COMMD10: variants seen among roughly 807,000 people sequenced by gnomAD.
The protein encoded by COMMD10 is COMM domain-containing protein 10.
A neutral mutation model predicts 28.9 loss-of-function variants in COMMD10; 33 were observed. The observed-to-expected ratio is 1.14, with a 90% CI of 0.87 to 1.53. The LOEUF (loss-of-function observed/expected upper bound fraction) is 1.53. Among genes scored for constraint, COMMD10 ranks in the 40% most tolerant of loss-of-function variants. COMMD10 has a pLI of 0.00. For synonymous variants in COMMD10, 110 were observed against 81.7 expected, an observed-to-expected ratio of 1.35 and a Z score of -1.87; for missense variants, 310 against 233.4, an observed-to-expected ratio of 1.33 and a Z score of -2.14.
chr5:116,094,998 C>T (rs1353642932), intron 4 of COMMD10, among the ~76,000 whole-genome samples: 1 of 152,132 alleles, frequency 6.6e-6, no homozygotes, highest in African/African-American at 2.4e-5. Flanking sequence ...GAATGGTAGT[C>T]ACCAGAGGCT....
At chr5:116,239,832 T>A (rs1749767657) in intron 5 of COMMD10, among the ~76,000 whole-genome samples, 1 of 152,192 alleles carries the variant, frequency 6.6e-6, no homozygotes, top group African/African-American at 2.4e-5. Flanking sequence ...ACATGAGGAC[T>A]GCTCCAGGTT....
At chr5:116,085,519 A>G (rs930933270) in intron 1 of COMMD10, 1 of 185,958 alleles carries the variant, frequency 5.4e-6, no homozygotes, top group Non-Finnish European at 1.1e-5. Flanking sequence ...AGGGTCTTTA[A>G]TAGCCAACAT....
chr5:116,188,107 G>T (rs182966307), intron 5 of COMMD10, among the ~76,000 whole-genome samples: 255 of 152,204 alleles, frequency 1.7e-3, no homozygotes, highest in African/African-American at 5.9e-3. Flanking sequence ...TAACCTAGAT[G>T]AACATTGGTA....
At chr5:116,171,187 T>C (rs1491003984) in intron 5 of COMMD10, among the ~76,000 whole-genome samples, 7 of 152,068 alleles carry the variant, frequency 4.6e-5, no homozygotes, top group Admixed American at 4.6e-4. Flanking sequence ...AGACACTTCT[T>C]AAAAGAAGAC....
intron 5 of COMMD10, among the ~76,000 whole-genome samples, chr5:116,182,409 T>G (rs1308040891): frequency 1.3e-5 from 2 of 151,104 alleles, no homozygotes; most frequent in Non-Finnish European, 2.9e-5. Context: ...GGAAGAGGTG[T>G]GGGGGGTGGG....
intron 5 of COMMD10, among the ~76,000 whole-genome samples, chr5:116,198,168 T>A (rs553550862): frequency 3.3e-4 from 50 of 152,214 alleles, no homozygotes; most frequent in Non-Finnish European, 5.4e-4. Context: ...TAGTTACAGC[T>A]GAAGAGTGAG....
At chr5:116,264,662 C>A (rs1266774023) in intron 5 of COMMD10, among the ~76,000 whole-genome samples, 1 of 151,878 alleles carries the variant, frequency 6.6e-6, no homozygotes, top group East Asian at 1.9e-4. Flanking sequence ...TAGGTCTGAG[C>A]ACTGCCCCAT....
intron 5 of COMMD10, among the ~76,000 whole-genome samples, chr5:116,289,235 G>C (rs1751299737): frequency 6.6e-6 from 1 of 151,738 alleles, no homozygotes; most frequent in African/African-American, 2.4e-5. Flanking sequence ...TCCCAGTCAG[G>C]TAGCTGATAG....
chr5:116,193,813 A>C (rs990460021), intron 5 of COMMD10, among the ~76,000 whole-genome samples: 7 of 152,178 alleles, frequency 4.6e-5, no homozygotes, highest in Non-Finnish European at 8.8e-5. Flanking sequence ...GAACAAATGG[A>C]CTTAGCAGAT....
At chr5:116,231,799 A>T (rs149783695) in intron 5 of COMMD10, among the ~76,000 whole-genome samples, 1 of 152,182 alleles carries the variant, frequency 6.6e-6, no homozygotes, top group Non-Finnish European at 1.5e-5. Flanking sequence ...TAATTGGGAA[A>T]TAACAGTTGA....
At chr5:116,279,956 CT>C (rs1376522928) in intron 5 of COMMD10, among the ~76,000 whole-genome samples, 2 of 151,818 alleles carry the variant, frequency 1.3e-5, no homozygotes, top group Non-Finnish European at 2.9e-5. Flanking sequence ...ATTGTGCAAA[CT>C]GATTAGGACA....
intron 5 of COMMD10, among the ~76,000 whole-genome samples, chr5:116,173,053 T>C (rs1030903557): frequency 2.0e-5 from 3 of 152,124 alleles, no homozygotes; most frequent in African/African-American, 7.2e-5. Flanking sequence ...ATATAACCCT[T>C]TTTTCTGTTT....
At chr5:116,248,464 T>C (rs1299776616) in intron 5 of COMMD10, among the ~76,000 whole-genome samples, 1 of 151,980 alleles carries the variant, frequency 6.6e-6, no homozygotes, top group Non-Finnish European at 1.5e-5. Flanking sequence ...TAAAGGAAGA[T>C]AGGAGAGAGT....
chr5:116,217,293 A>G (rs1258762189), intron 5 of COMMD10, among the ~76,000 whole-genome samples: 1 of 152,106 alleles, frequency 6.6e-6, no homozygotes, highest in Non-Finnish European at 1.5e-5. Flanking sequence ...GACAGTCATT[A>G]ACAGTACACA....
chr5:116,132,075 A>G lies in COMMD10; in HGVS notation c.400-1993A>G, dbSNP rs951361133. On this transcript the variant is annotated intron_variant, in intron 4 of 6. Coordinates refer to ENST00000274458, the MANE Select transcript of COMMD10 (RefSeq NM_016144.4). ...AAGTGGGATGATGGGACGAGGTTCT[A>G]TAGGAGGCAGGTAGCCCAGTTAGAA... 3.9e-5 allele frequency among the ~76,000 whole-genome samples: 6 copies of G among 152,104 alleles called. No individual in the cohort carries two copies. The East Asian group carries it at 9.7e-4, about 24-fold the overall frequency.
intron 5 of COMMD10, among the ~76,000 whole-genome samples, chr5:116,243,670 A>G (rs1474103706): frequency 1.3e-5 from 2 of 152,166 alleles, no homozygotes; most frequent in Non-Finnish European, 2.9e-5. Context: ...CCCTGGATTA[A>G]TGATTCTATC....
At chr5:116,291,699 A>C (rs1484151581) in intron 6 of COMMD10, 123 bp downstream of exon 6, 13 of 558,852 alleles carry the variant, frequency 2.3e-5, no homozygotes, top group South Asian at 1.2e-4. Flanking sequence ...CTTCCCTTAT[A>C]AAAGACCTTA....
chr5:116,281,291 T>C (rs1751061943), intron 5 of COMMD10, among the ~76,000 whole-genome samples: 1 of 151,810 alleles, frequency 6.6e-6, no homozygotes, highest in Non-Finnish European at 1.5e-5. Flanking sequence ...AAGTCAGACC[T>C]TTCTGAAGAC....
At position 116,131,445 on chromosome 5, in the gene COMMD10, C is replaced by G. The variant is rs1488385242; in HGVS notation, c.400-2623C>G. Among the ~76,000 whole-genome samples the G allele has an allele frequency of 3.0e-4, 46 of 151,654 alleles. 1 individual carries two copies. The highest frequency in any genetic ancestry group is 3.0e-3 in the Admixed American group (46 of 15,190). On this transcript the variant is annotated intron_variant, in intron 4 of 6. Coordinates refer to ENST00000274458, the MANE Select transcript of COMMD10 (RefSeq NM_016144.4). ...TATGTATGTATGTGTATGTGAAGAACCAACCAAATATTAGCTCTATAGGTT... is the reference window on the plus strand; with the variant it reads ...TATGTATGTATGTGTATGTGAAGAAGCAACCAAATATTAGCTCTATAGGTT...
Sources: gnomAD v4.1 joint callset for allele counts (sites outside exome capture counted in the v4.1 genomes callset) on GRCh38, gnomAD v4.1.1 for gene constraint, MANE v1.5 for transcripts, NCBI Gene and HGNC (gene_info 2026-07-23, HGNC 2026-07-21) for gene names.